The following CFAP99 variants were observed in gnomAD, a reference collection of about 807,000 sequenced individuals.
CFAP99 encodes the protein cilia- and flagella-associated protein 99.
A neutral mutation model predicts 82.7 loss-of-function variants in CFAP99; 84 were observed. That is an observed-to-expected ratio of 1.02 (90% CI 0.85 to 1.22). CFAP99 has a LOEUF of 1.22. Ranked by LOEUF, CFAP99 falls within the 50% of genes most tolerant of loss-of-function variation. The pLI is 0.00. For synonymous variants in CFAP99, 456 were observed against 429.5 expected (o/e 1.06, Z -0.76); for missense variants, 1,059 against 983.5 (o/e 1.08, Z -1.03).
chr4:2,454,236 C>G (rs1734370483), intron 11 of CFAP99, among the ~76,000 whole-genome samples: 1 of 152,164 alleles, frequency 6.6e-6, no homozygotes, highest in Non-Finnish European at 1.5e-5. Context: ...CTCCTGGCCT[C>G]GTGATCCACC....
At chr4:2,454,594 G>GTTTTTTTTT (rs1204498727) in intron 11 of CFAP99, among the ~76,000 whole-genome samples, 1 of 84,536 alleles carries the variant, frequency 1.2e-5, no homozygotes. Flanking sequence ...TTTTTTTTTT[G>GTTTTTTTTT]TTTTTTTTTT....
chr4:2,445,009 C>G, intron 5 of CFAP99, 122 bp from the exon 6 acceptor site: 1 of 631,566 alleles, frequency 1.6e-6, no homozygotes, highest in Non-Finnish European at 2.3e-6. Flanking sequence ...GTCCATCCCA[C>G]TATCACCTCC....
intron 13 of CFAP99, among the ~76,000 whole-genome samples, chr4:2,459,694 G>A (rs905787725): frequency 7.2e-5 from 11 of 152,226 alleles, no homozygotes; most frequent in Admixed American, 1.3e-4. Context: ...GAGGAGTGCG[G>A]GGAGCCAGCT....
chr4:2,438,065 T>C lies in CFAP99; in HGVS notation c.257-5T>C. ...TTAGCCTCTGACAGACCCCCTGTTTTCTAGTGATCTGCTACCTAGCCACAT... is the reference window on the plus strand; with the variant it reads ...TTAGCCTCTGACAGACCCCCTGTTTCCTAGTGATCTGCTACCTAGCCACAT... On this transcript the variant is annotated splice_region_variant and splice_polypyrimidine_tract_variant and intron_variant, in intron 3 of 14. Transcript: ENST00000635017. 6.6e-7 allele frequency: 1 copy of C among 1,523,732 alleles called. No homozygotes were observed. The highest frequency in any genetic ancestry group is 8.8e-7 in the Non-Finnish European group (1 of 1,136,054). 94.4% of individuals were successfully genotyped at this position (1,523,732 alleles called of 1,614,324 possible).
At chr4:2,447,560 G>C (rs894828896) in intron 6 of CFAP99, among the ~76,000 whole-genome samples, 16 of 151,526 alleles carry the variant, frequency 1.1e-4, no homozygotes, top group African/African-American at 3.1e-4. Flanking sequence ...TGGGTGGATG[G>C]ATGATGAGAT....
chr4:2,460,324 C>T (rs1280081596), intron 14 of CFAP99, 82 bp downstream of exon 14: 2 of 1,270,358 alleles, frequency 1.6e-6, no homozygotes, highest in Admixed American at 2.0e-5. Context: ...CTGGGTGGGT[C>T]TCCTAGAAAC....
intron 3 of CFAP99, 84 bp from the exon 4 acceptor site, chr4:2,437,986 G>A (rs1443053633): frequency 1.2e-5 from 9 of 771,544 alleles, no homozygotes; most frequent in Admixed American, 4.2e-5. Flanking sequence ...GCCCTGACAC[G>A]GTGGAGGCCT....
rs988330453 is a variant in CFAP99 at position 2,436,093 on chromosome 4, A to T, written c.112-781A>T. ...GTCTCAAAAACTTCAAAAAAAAAAA[A>T]AATCTATATATATGTATATATAGAT... is the stretch of plus-strand genomic sequence containing the variant. On this transcript the variant is annotated intron_variant, in intron 2 of 14. Transcript: ENST00000635017. Among the ~76,000 whole-genome samples, 4 of 148,808 alleles carry T rather than the reference A, an allele frequency of 2.7e-5. No homozygotes were observed. In the South Asian group the frequency reaches 8.4e-4, roughly 31 times the overall value.
chr4:2,455,997 T>C (rs893416733), intron 11 of CFAP99, among the ~76,000 whole-genome samples: 1 of 152,146 alleles, frequency 6.6e-6, no homozygotes, highest in African/African-American at 2.4e-5. Context: ...CCTCTGAACT[T>C]TGGGCACTGC....
chr4:2,443,450 C>T (rs1424511590), intron 5 of CFAP99, among the ~76,000 whole-genome samples: 1 of 152,242 alleles, frequency 6.6e-6, no homozygotes, highest in Non-Finnish European at 1.5e-5. Context: ...AAGACGTGGT[C>T]CAACTGCCCA....
At chr4:2,461,514 C>T (rs1734620312) in intron 14 of CFAP99, among the ~76,000 whole-genome samples, 1 of 152,188 alleles carries the variant, frequency 6.6e-6, no homozygotes, top group Non-Finnish European at 1.5e-5. Flanking sequence ...GCTGGCTGCC[C>T]ACCAGCTCCC....
chr4:2,459,262 A>T lies in CFAP99; in HGVS notation c.1455+4A>T, dbSNP rs1169418253. On this transcript the variant is annotated splice_donor_region_variant and intron_variant, in intron 13 of 14. Transcript: ENST00000635017. The stretch of plus-strand genomic sequence containing the variant: ...CAAGCTCGTGGACCTGACCCAGGTG[A>T]GGATGCAGTCCTGGACGGGCCCATG... 1.3e-6 allele frequency: 2 copies of T among 1,531,184 alleles called. No individual in the cohort carries two copies. Among genetic ancestry groups the T allele is most frequent in the Non-Finnish European group, 1.7e-6 (2 of 1,144,384 alleles). The allele number at this position is 1,531,184 out of a possible 1,614,324, so 94.8% of individuals were successfully genotyped here.
chr4:2,439,999 C>T (rs1380790842), intron 4 of CFAP99, among the ~76,000 whole-genome samples: 2 of 151,452 alleles, frequency 1.3e-5, no homozygotes, highest in Non-Finnish European at 2.9e-5. Context: ...TGTGCCATCA[C>T]GCCTGGCTAA....
intron 11 of CFAP99, among the ~76,000 whole-genome samples, chr4:2,452,813 AG>A: frequency 6.6e-6 from 1 of 152,224 alleles, no homozygotes; most frequent in South Asian, 2.1e-4. Context: ...CTATAATCCC[AG>A]CACTTTAGGA....
intron 10 of CFAP99, 138 bp from the exon 11 acceptor site, chr4:2,452,004 G>A (rs1414133310): frequency 8.6e-6 from 7 of 817,234 alleles, no homozygotes; most frequent in Middle Eastern, 2.8e-4. Context: ...ATAGGAGGAA[G>A]GGCAGGCCAC....
intron 2 of CFAP99, among the ~76,000 whole-genome samples, chr4:2,429,590 TTTC>T (rs1158710901): frequency 2.4e-5 from 2 of 84,422 alleles, no homozygotes; most frequent in Admixed American, 1.4e-4. Context: ...CTTTTCTTTC[TTTC>T]TTTTTTTTTT....
In CFAP99 at chr4:2,462,689, C is replaced by A. The variant is rs542597444; in HGVS notation, c.1908C>A (p.Gly636=). 5.1e-3 allele frequency: 6,399 copies of A among 1,254,602 alleles called. 23 individuals are homozygous for A. The highest frequency in any genetic ancestry group is 5.9e-3 in the Non-Finnish European group (5,934 of 999,330). 77.7% of individuals were successfully genotyped at this position (1,254,602 alleles called of 1,614,324 possible). ...GGCGGGCGCGGCGCGCAGGGACCGG[C>A]GTCCCGGGGCGGGGATGGCGGGGAG... Residue 636 remains glycine, a synonymous_variant, in exon 15 of 15, where the codon GGC becomes GGA. Transcript: ENST00000635017. This position sits in a 1 kb window ranked among gnomAD's most constrained non-coding sequence, Gnocchi z 4.1.
intron 4 of CFAP99, 52 bp from the exon 5 acceptor site, chr4:2,443,078 T>C (rs1734085599): frequency 9.5e-7 from 1 of 1,047,538 alleles, no homozygotes; most frequent in Non-Finnish European, 1.4e-6. Context: ...CTTTGCCCGG[T>C]GAGGGGTTGG....
intron 1 of CFAP99, among the ~76,000 whole-genome samples, chr4:2,421,879 CAA>C (rs34014257): frequency 8.9e-5 from 9 of 101,520 alleles, no homozygotes; most frequent in Admixed American, 2.4e-4. Context: ...CCTGTCTCTA[CAA>C]AAAAAAAAAA....
Sources: allele counts gnomAD v4.1 joint callset (sites outside exome capture counted in the v4.1 genomes callset), GRCh38; gene constraint gnomAD v4.1.1; non-coding constraint Gnocchi (gnomAD v3.1); transcripts MANE v1.5; gene names NCBI Gene and HGNC (gene_info 2026-07-23, HGNC 2026-07-21).